IDUA: variants seen among roughly 807,000 people sequenced by gnomAD.
IDUA encodes the protein iduronidase alpha-L-.
A neutral mutation model predicts 68.9 loss-of-function variants in IDUA; 65 were observed. The ratio of observed to expected loss-of-function variants is 0.94; its 90% CI spans 0.77 to 1.16. The LOEUF (loss-of-function observed/expected upper bound fraction) is 1.16, where lower values mean the gene tolerates loss of function less well. Ranked by LOEUF, IDUA falls within the 50% of genes most tolerant of loss-of-function variation. The pLI, the probability that IDUA is intolerant of heterozygous loss-of-function variation, is 0.00. For synonymous variants in IDUA, 529 were observed against 433.6 expected (o/e 1.22, Z -2.73); for missense variants, 1,046 against 938.0 (o/e 1.12, Z -1.50).
intron 2 of IDUA, among the ~76,000 whole-genome samples, chr4:998,783 A>ACCCCCCCCCCCC (rs148444493): frequency 2.5e-5 from 3 of 120,750 alleles, no homozygotes; most frequent in Non-Finnish European, 5.1e-5. Flanking sequence ...CGACCCCCCG[A>ACCCCCCCCCCCC]CCCCCCACCT....
At chr4:994,264 A>G (rs1714589101) in intron 2 of IDUA, among the ~76,000 whole-genome samples, 1 of 150,778 alleles carries the variant, frequency 6.6e-6, no homozygotes, top group African/African-American at 2.4e-5. Context: ...ACATAGTGAG[A>G]CGCCCCCCAC....
chr4:992,138 C>T (rs1445430435), intron 2 of IDUA: 1 of 480,248 alleles, frequency 2.1e-6, no homozygotes, highest in East Asian at 6.2e-5. Context: ...CCACCACGCA[C>T]ATGTGCCTAC....
intron 11 of IDUA, 25 bp from the exon 12 acceptor site, chr4:1,003,524 C>T: frequency 6.2e-7 from 1 of 1,608,622 alleles, no homozygotes. Flanking sequence ...TTCCCCGACG[C>T]CATCACAGCC....
intron 2 of IDUA, 66 bp downstream of exon 2, chr4:988,015 C>T (rs1713881336): frequency 5.3e-6 from 8 of 1,509,726 alleles, no homozygotes; most frequent in South Asian, 1.2e-5. Flanking sequence ...GAGGGGAGGG[C>T]TGGGGGCTGC....
rs1480225127 is a variant in IDUA at position 1,000,890 on chromosome 4, C to T, written c.394C>T (p.Leu132=). The change falls in exon 4 of 14, where the codon CTG becomes TTG. Residue 132 remains leucine, a synonymous_variant. Transcript: ENST00000514224. ...GCCCTCCTGTGTTCCAGGGTTTGAGCTGATGGGCAGCGCCTCGGGCCACTT... is the reference window on the plus strand; with the variant it reads ...GCCCTCCTGTGTTCCAGGGTTTGAGTTGATGGGCAGCGCCTCGGGCCACTT... The part of the protein sequence containing the change: ...RENQLLPGFE[L]MGSASGHFTD... 6.2e-7 allele frequency: 1 copy of T among 1,613,008 alleles called. No individual in the cohort carries two copies. Among genetic ancestry groups the T allele is most frequent in the Non-Finnish European group, 8.5e-7 (1 of 1,179,650 alleles).
At chr4:988,951 A>G in intron 2 of IDUA, 2 of 1,596,690 alleles carry the variant, frequency 1.3e-6, no homozygotes, top group Non-Finnish European at 1.7e-6. Context: ...GCCCTCCCCG[A>G]GGAAGCCTCC....
intron 2 of IDUA, chr4:991,649 G>T (rs780136455): frequency 2.6e-6 from 4 of 1,552,554 alleles, no homozygotes; most frequent in Non-Finnish European, 3.5e-6. Flanking sequence ...GGGCGCTGCC[G>T]TCGGACCGGC....
Position 1,004,003 on chromosome 4 carries a change from C to G in IDUA, c.1728-9C>G. The G allele has an allele frequency of 6.2e-7, 1 of 1,605,956 alleles. No individual in the cohort carries two copies. The highest frequency in any genetic ancestry group is 8.5e-7 in the Non-Finnish European group (1 of 1,174,154). On this transcript the variant is annotated splice_polypyrimidine_tract_variant and intron_variant, in intron 12 of 13. Transcript: ENST00000514224. This position sits in a 1 kb window ranked among gnomAD's most constrained non-coding sequence, Gnocchi z 5.0. ...GACCCCAGCCTTGTTCTTGGCCTGA[C>G]CTCCCCAGGTGCCTGTGGACATACG...
At chr4:999,236 C>T (rs1439995686) in intron 2 of IDUA, among the ~76,000 whole-genome samples, 9 of 151,968 alleles carry the variant, frequency 5.9e-5, no homozygotes, top group Non-Finnish European at 1.2e-4. Flanking sequence ...GAAAAATGCC[C>T]TGGCACTGCT....
chr4:989,517 C>T, intron 2 of IDUA: 1 of 1,554,508 alleles, frequency 6.4e-7, no homozygotes, highest in East Asian at 2.4e-5. Context: ...CGGTGCCTGC[C>T]CAGACCAGCG....
chr4:1,002,158 G>A lies in IDUA; in HGVS notation c.969G>A (p.Val323=), dbSNP rs1344410522. ...RADVTYAAMV[V]KVIAQHQNLL... Reference sequence around the variant, plus strand: ...ACGTGACCTACGCGGCCATGGTGGTGAAGGTGGGCCGGCCCAACGCCCTGC... The same window carrying A: ...ACGTGACCTACGCGGCCATGGTGGTAAAGGTGGGCCGGCCCAACGCCCTGC... Residue 323 remains valine (V), a synonymous_variant, in exon 7 of 14, where the codon GTG becomes GTA. Coordinates refer to ENST00000514224, the MANE Select transcript of IDUA (RefSeq NM_000203.5). The A allele has an allele frequency of 1.3e-6, 2 of 1,557,128 alleles. No individual in the cohort carries two copies. The highest frequency in any genetic ancestry group is 1.7e-6 in the Non-Finnish European group (2 of 1,150,788).
At position 988,838 on chromosome 4, in the gene IDUA, G is replaced by C. The variant is rs764346334; in HGVS notation, c.299+889G>C. The C allele has an allele frequency of 3.1e-6, 5 of 1,593,948 alleles. No homozygotes were observed. The Admixed American group carries it at 8.5e-5, about 27-fold the overall frequency. On this transcript the variant is annotated intron_variant, in intron 2 of 13. Transcript: ENST00000514224. ...GCTGGGCAGGCCTGGCCCTGCTACAGATGGGCATCGGTGGCCTCCAGCTCC... is the reference window on the plus strand; with the variant it reads ...GCTGGGCAGGCCTGGCCCTGCTACACATGGGCATCGGTGGCCTCCAGCTCC...
In IDUA at chr4:994,442, A is replaced by AT. The variant is rs199656889; in HGVS notation, c.300-6157dup. Among the ~76,000 whole-genome samples, 131 of 142,626 alleles carry AT rather than the reference A, an allele frequency of 9.2e-4. 1 individual carries two copies. The highest frequency in any genetic ancestry group is 3.7e-3 in the Middle Eastern group (1 of 272). 93.6% of individuals were successfully genotyped at this position (142,626 alleles called of 152,430 possible). A position where few individuals can be genotyped will look rare whatever the true frequency, so the allele number is the denominator to read the frequency against. On this transcript the variant is annotated intron_variant, in intron 2 of 13. Transcript: ENST00000514224. ...AGGCGCCCGCCACCGCGCCCGGCTA[A>AT]TTTTTTTTTTTTTGAGACGGAGTTT... is the stretch of plus-strand genomic sequence containing the variant.
At chr4:1,003,505 G>A (rs562907184) in intron 11 of IDUA, 35 bp downstream of exon 11, 25 of 1,600,876 alleles carry the variant, frequency 1.6e-5, no homozygotes, top group Non-Finnish European at 2.0e-5. Context: ...GCCGCGGCCC[G>A]GACTCCCCTT....
At chr4:1,003,695 C>T (rs983078298) in intron 12 of IDUA, 70 bp downstream of exon 12, 44 of 1,553,812 alleles carry the variant, frequency 2.8e-5, no homozygotes, top group Non-Finnish European at 3.8e-5. Context: ...CCCCTTCACC[C>T]ATGCGGTCAC....
intron 2 of IDUA, among the ~76,000 whole-genome samples, chr4:993,893 CCT>C (rs1714562968): frequency 6.6e-6 from 1 of 152,314 alleles, no homozygotes; most frequent in African/African-American, 2.4e-5. Context: ...TCGCGTAAGC[CCT>C]GTGTGTGGTG....
At chr4:991,289 G>T (rs552862956) in intron 2 of IDUA, 22 of 1,612,558 alleles carry the variant, frequency 1.4e-5, no homozygotes, top group Non-Finnish European at 1.7e-5. Flanking sequence ...TGGAGCTCCC[G>T]GTCCACCACC....
At chr4:1,001,651 G>C in intron 5 of IDUA, 28 bp from the exon 6 acceptor site, 1 of 1,605,448 alleles carries the variant, frequency 6.2e-7, no homozygotes, top group Non-Finnish European at 8.5e-7. Context: ...CCCAGGGCAG[G>C]TGTAGACGCA....
rs753871819 is a variant in IDUA, at chr4:1,001,746, AG to A, written c.659del (p.Gly220AlafsTer14). ...RAASPALRLG[G>X]PGDSFHTPPR... ...CCGCCAGCCCCGCCCTGCGGCTGGG[AG>A]GCCCCGGCGACTCCTTCCACACCCC... On this transcript the variant is annotated frameshift_variant, in exon 6 of 14. Transcript: ENST00000514224. LOFTEE classifies it high-confidence loss of function. The A allele has an allele frequency of 1.3e-6, 2 of 1,594,606 alleles. No homozygotes were observed. The highest frequency in any genetic ancestry group is 1.7e-4 in the Middle Eastern group (1 of 6,002).
Sources: gnomAD v4.1 joint callset for allele counts (sites outside exome capture counted in the v4.1 genomes callset) on GRCh38, gnomAD v4.1.1 for gene constraint, Gnocchi (gnomAD v3.1) non-coding constraint, MANE v1.5 for transcripts, NCBI Gene and HGNC (gene_info 2026-07-23, HGNC 2026-07-21) for gene names.